Variants in CNTNAP3B observed in about 807,000 individuals in gnomAD.
CNTNAP3B encodes contactin-associated protein-like 3B.
A neutral mutation model predicts 108.9 loss-of-function variants in CNTNAP3B; 25 were observed. The ratio of observed to expected loss-of-function variants is 0.23; its 90% CI spans 0.17 to 0.32. CNTNAP3B has a LOEUF of 0.32. CNTNAP3B is among the 10% of genes least tolerant of loss of function. The pLI, the probability that CNTNAP3B is intolerant of heterozygous loss-of-function variation, is 1.00. For missense variants in CNTNAP3B, 252 were observed against 1,210.4 expected (o/e 0.21, Z 11.75); for synonymous variants, 103 against 473.4 (o/e 0.22, Z 10.16).
At chr9:42,058,344 A>G (rs1827118017) in intron 3 of CNTNAP3B, among the ~76,000 whole-genome samples, 1 of 152,028 alleles carries the variant, frequency 6.6e-6, no homozygotes, top group Admixed American at 6.5e-5. Context: ...GTATACAGGG[A>G]TCCTCTTTTC....
rs1826023838 is a variant in CNTNAP3B at position 42,002,602 on chromosome 9, C to G, written c.539-3998G>C. Among the ~76,000 whole-genome samples, 2 of 100,818 alleles carry G rather than the reference C, an allele frequency of 2.0e-5. 1 individual carries two copies. Among genetic ancestry groups the G allele is most frequent in the African/African-American group, 8.3e-5 (2 of 24,160 alleles). The allele number at this position is 100,818 out of a possible 152,430, so 66.1% of individuals were successfully genotyped here. On this transcript the variant is annotated intron_variant, in intron 4 of 23. Transcript: ENST00000377561. ...CATACAGCTAATATTCACTGAAAGCCTTCCATATGCAGGTGAAAGATAAAA... is the reference window on the plus strand; with the variant it reads ...CATACAGCTAATATTCACTGAAAGCGTTCCATATGCAGGTGAAAGATAAAA...
intron 11 of CNTNAP3B, among the ~76,000 whole-genome samples, chr9:41,961,872 T>C (rs1410456279): frequency 1.3e-5 from 2 of 152,310 alleles, no homozygotes; most frequent in Admixed American, 6.5e-5. Flanking sequence ...GGAATTAATA[T>C]CTGCAGGAGA....
At chr9:41,963,895 T>A (rs1322496343) in intron 11 of CNTNAP3B, among the ~76,000 whole-genome samples, 1 of 152,428 alleles carries the variant, frequency 6.6e-6, no homozygotes, top group East Asian at 1.9e-4. Flanking sequence ...AGTTAATATA[T>A]GCAAAGCAAT....
chr9:42,054,320 T>G (rs1331455665), intron 3 of CNTNAP3B, among the ~76,000 whole-genome samples: 1 of 131,678 alleles, frequency 7.6e-6, no homozygotes, highest in Non-Finnish European at 1.6e-5. Context: ...CCTTTAGTTT[T>G]GCTGCAGAAA....
intron 15 of CNTNAP3B, among the ~76,000 whole-genome samples, chr9:41,928,139 G>C (rs1365400086): frequency 6.6e-6 from 1 of 152,264 alleles, no homozygotes; most frequent in African/African-American, 2.4e-5. Flanking sequence ...AAGAATCTGA[G>C]ATTTCACCCT....
intron 14 of CNTNAP3B, among the ~76,000 whole-genome samples, chr9:41,930,582 G>A (rs1298227648): frequency 5.3e-5 from 8 of 151,944 alleles, no homozygotes; most frequent in African/African-American, 1.9e-4. Flanking sequence ...CAAACACTCA[G>A]CGCTCACCTT....
intron 1 of CNTNAP3B, among the ~76,000 whole-genome samples, chr9:42,115,689 A>C (rs1453103252): frequency 8.6e-6 from 1 of 116,672 alleles, no homozygotes; most frequent in Non-Finnish European, 1.7e-5. Flanking sequence ...CAGAAAGGAC[A>C]ACCACACAAA....
intron 1 of CNTNAP3B, among the ~76,000 whole-genome samples, chr9:42,108,991 T>C (rs1457908478): frequency 7.2e-6 from 1 of 139,606 alleles, no homozygotes; most frequent in Non-Finnish European, 1.5e-5. Flanking sequence ...ATGACAATTT[T>C]TACCACATGA....
At chr9:41,926,786 T>C (rs1398145399) in intron 15 of CNTNAP3B, 1 of 152,342 alleles carries the variant, frequency 6.6e-6, no homozygotes, top group African/African-American at 2.4e-5. Context: ...TTGCTGAAAG[T>C]AGGATATAAA....
intron 9 of CNTNAP3B, among the ~76,000 whole-genome samples, chr9:41,977,390 AT>A (rs769646876): frequency 2.3e-3 from 327 of 142,082 alleles, no homozygotes; most frequent in Non-Finnish European, 1.6e-3. Context: ...ATATTGGCTT[AT>A]TTGTTTTTTG....
chr9:41,924,056 A>C lies in CNTNAP3B; in HGVS notation c.2403T>G (p.Thr801=), dbSNP rs1385353682. The C allele has an allele frequency of 6.2e-7, 1 of 1,610,258 alleles. No homozygotes were observed. The highest frequency in any genetic ancestry group is 1.7e-5 in the Admixed American group (1 of 59,996). ...FWNSASFNTE[T]SYLHFPAFHG... ...GGAAAGCAGGGAAATGAAGGTATGA[A>C]GTCTCAGTGTTGAAGGAAGCTGAAT... is the stretch of plus-strand genomic sequence containing the variant. The change falls in exon 16 of 24, where the codon ACT becomes ACG. Residue 801 remains threonine (T), a synonymous_variant. Coordinates refer to ENST00000377561, the MANE Select transcript of CNTNAP3B (RefSeq NM_001201380.3).
chr9:41,937,624 T>C (rs1255804636), intron 14 of CNTNAP3B, among the ~76,000 whole-genome samples: 1 of 152,278 alleles, frequency 6.6e-6, no homozygotes, highest in East Asian at 1.9e-4. Flanking sequence ...GAGAAAATTG[T>C]TTCTGCTCAA....
intron 4 of CNTNAP3B, among the ~76,000 whole-genome samples, chr9:42,013,006 C>T: frequency 1.1e-5 from 1 of 93,164 alleles, no homozygotes; most frequent in African/African-American, 4.2e-5. Flanking sequence ...CAGTACAGCT[C>T]CTGTTTTCCC....
Position 42,087,332 on chromosome 9 carries a change from A to G in CNTNAP3B, c.197-10270T>C, listed in dbSNP as rs1195239114. Among the ~76,000 whole-genome samples, 7 of 134,740 alleles carry G rather than the reference A, an allele frequency of 5.2e-5. 1 individual carries two copies. Among genetic ancestry groups the G allele is most frequent in the Non-Finnish European group, 3.2e-5 (2 of 62,606 alleles). 88.4% of individuals were successfully genotyped at this position (134,740 alleles called of 152,430 possible). A position where few individuals can be genotyped will look rare whatever the true frequency, so the allele number is the denominator to read the frequency against. ...TTTTGTTGGGTCTGCTAAGACTACA[A>G]AGGCCTAAAAGCTCTTTTATGGACC... On this transcript the variant is annotated intron_variant, in intron 2 of 23. Transcript: ENST00000377561.
chr9:41,924,645 G>A (rs1823758730), intron 15 of CNTNAP3B, among the ~76,000 whole-genome samples: 1 of 135,158 alleles, frequency 7.4e-6, no homozygotes, highest in Non-Finnish European at 1.6e-5. Context: ...TTTCCTTCCT[G>A]CACACACACA....
intron 10 of CNTNAP3B, among the ~76,000 whole-genome samples, chr9:41,966,446 G>A (rs1181056088): frequency 1.3e-5 from 2 of 152,286 alleles, no homozygotes; most frequent in Non-Finnish European, 2.9e-5. Flanking sequence ...AATAGAGGAA[G>A]TAGCTAGCAT....
At chr9:42,053,612 G>A (rs1305913125) in intron 3 of CNTNAP3B, among the ~76,000 whole-genome samples, 1 of 140,428 alleles carries the variant, frequency 7.1e-6, no homozygotes, top group Non-Finnish European at 1.5e-5. Context: ...TTTACTCTTG[G>A]TCAAAGGACC....
At chr9:42,121,892 G>A (rs564115619) in intron 1 of CNTNAP3B, among the ~76,000 whole-genome samples, 4 of 140,220 alleles carry the variant, frequency 2.9e-5, no homozygotes, top group East Asian at 4.3e-4. Context: ...TCATGGTTGC[G>A]GCAGAAGACT....
At chr9:41,941,160 T>C (rs1824330788) in intron 13 of CNTNAP3B, among the ~76,000 whole-genome samples, 2 of 151,134 alleles carry the variant, frequency 1.3e-5, no homozygotes, top group Admixed American at 1.3e-4. Context: ...AAGTTGACTG[T>C]GGTAAGTCAC....
Sources: allele counts gnomAD v4.1 joint callset (sites outside exome capture counted in the v4.1 genomes callset), GRCh38; gene constraint gnomAD v4.1.1; transcripts MANE v1.5; gene names NCBI Gene and HGNC (gene_info 2026-07-23, HGNC 2026-07-21).